The following ATP9B variants were observed in gnomAD, a reference collection of about 807,000 sequenced individuals.
ATP9B encodes probable phospholipid-transporting ATPase IIB.
In ATP9B, 110 loss-of-function variants were observed where a neutral mutation model predicts 146.1. The observed-to-expected ratio is 0.75, with a 90% CI of 0.65 to 0.88. The LOEUF (loss-of-function observed/expected upper bound fraction) is 0.88, where lower values mean the gene tolerates loss of function less well. Ranked by LOEUF, ATP9B falls within the 40% of genes least tolerant of loss-of-function variation. ATP9B has a pLI of 0.00. For missense variants in ATP9B, 1,499 were observed against 1,496.4 expected (o/e 1.00, Z -0.03); for synonymous variants, 604 against 569.7 (o/e 1.06, Z -0.86).
At chr18:79,271,516 G>C (rs2096254576) in intron 12 of ATP9B, among the ~76,000 whole-genome samples, 1 of 151,588 alleles carries the variant, frequency 6.6e-6, no homozygotes, top group African/African-American at 2.4e-5. Flanking sequence ...GTGATAGTTT[G>C]CTGAGAATGA....
At chr18:79,265,868 G>C in intron 12 of ATP9B, among the ~76,000 whole-genome samples, 1 of 152,060 alleles carries the variant, frequency 6.6e-6, no homozygotes, top group East Asian at 1.9e-4. Flanking sequence ...TCTATAGTTT[G>C]AGTTTTTGCA....
At chr18:79,213,302 G>A (rs1457566247) in intron 10 of ATP9B, among the ~76,000 whole-genome samples, 1 of 152,068 alleles carries the variant, frequency 6.6e-6, no homozygotes, top group Admixed American at 6.6e-5. Flanking sequence ...ACATTCTAGA[G>A]ATAAGTGCCC....
intron 9 of ATP9B, among the ~76,000 whole-genome samples, chr18:79,204,237 T>C (rs1287011953): frequency 5.3e-5 from 8 of 152,228 alleles, no homozygotes; most frequent in African/African-American, 1.7e-4. Flanking sequence ...TACTTGAATG[T>C]TCTTCTGTGT....
intron 4 of ATP9B, among the ~76,000 whole-genome samples, chr18:79,123,172 C>T (rs937570118): frequency 1.3e-5 from 2 of 151,724 alleles, no homozygotes; most frequent in South Asian, 4.2e-4. Flanking sequence ...ATAGGAAAAC[C>T]TAGGGAATCT....
intron 14 of ATP9B, among the ~76,000 whole-genome samples, chr18:79,306,254 G>T (rs1458419351): frequency 6.6e-6 from 1 of 152,190 alleles, no homozygotes; most frequent in Non-Finnish European, 1.5e-5. Flanking sequence ...TGTTGGGGTT[G>T]GGGGGAGTGT....
chr18:79,279,677 C>CA (rs1350964864), intron 13 of ATP9B, among the ~76,000 whole-genome samples: 12 of 152,216 alleles, frequency 7.9e-5, no homozygotes, highest in Admixed American at 6.5e-5. Context: ...TAAATGTAAA[C>CA]AAAAATACGT....
At chr18:79,188,879 G>T in intron 8 of ATP9B, among the ~76,000 whole-genome samples, 1 of 129,086 alleles carries the variant, frequency 7.7e-6, no homozygotes, top group African/African-American at 3.2e-5. Flanking sequence ...TTATCTCTTG[G>T]CTTTTTAGCA....
chr18:79,151,222 A>G (rs1211145630), intron 6 of ATP9B, among the ~76,000 whole-genome samples: 1 of 152,230 alleles, frequency 6.6e-6, no homozygotes, highest in Non-Finnish European at 1.5e-5. Flanking sequence ...ATCAGCATTT[A>G]CAGGAACTAG....
At chr18:79,178,478 C>T (rs1251860629) in intron 8 of ATP9B, among the ~76,000 whole-genome samples, 22 of 152,058 alleles carry the variant, frequency 1.4e-4, no homozygotes, top group Admixed American at 1.4e-3. Flanking sequence ...AAAAGCATTC[C>T]GCCTTGATGT....
intron 13 of ATP9B, among the ~76,000 whole-genome samples, chr18:79,277,451 G>A (rs1472315861): frequency 4.6e-5 from 7 of 151,634 alleles, no homozygotes; most frequent in African/African-American, 1.7e-4. Context: ...ATATTTCTGT[G>A]TTTTTAATTT....
intron 12 of ATP9B, among the ~76,000 whole-genome samples, chr18:79,267,842 A>C (rs2096218762): frequency 6.6e-6 from 1 of 152,026 alleles, no homozygotes; most frequent in African/African-American, 2.4e-5. Context: ...TGGTCACAGG[A>C]TCTCATCTGT....
At chr18:79,176,473 T>C (rs1024017729) in intron 7 of ATP9B, among the ~76,000 whole-genome samples, 36 of 152,354 alleles carry the variant, frequency 2.4e-4, no homozygotes, top group South Asian at 4.1e-4. Flanking sequence ...TTTGTTATTT[T>C]GTTATTATCA....
intron 13 of ATP9B, among the ~76,000 whole-genome samples, chr18:79,286,896 T>A (rs1346891994): frequency 6.6e-6 from 1 of 152,236 alleles, no homozygotes; most frequent in Admixed American, 6.5e-5. Flanking sequence ...TTGTCTTTGG[T>A]TCTGTTTATA....
At chr18:79,272,516 C>T (rs914429177) in intron 12 of ATP9B, among the ~76,000 whole-genome samples, 9 of 151,962 alleles carry the variant, frequency 5.9e-5, no homozygotes, top group East Asian at 1.9e-4. Context: ...GAATCCTGCA[C>T]GGATACGCTC....
intron 1 of ATP9B, among the ~76,000 whole-genome samples, chr18:79,092,797 C>CAGTGTCTTCTGCTGG (rs2074453707): frequency 6.6e-6 from 1 of 152,018 alleles, no homozygotes; most frequent in Non-Finnish European, 1.5e-5. Flanking sequence ...CCTGTGTTAA[C>CAGTGTCTTCTGCTGG]AGTGTCTTCT....
At chr18:79,363,436 C>G (rs75959886) in intron 26 of ATP9B, 1 of 10,690 alleles carries the variant, frequency 9.4e-5, no homozygotes, top group African/African-American at 4.7e-4. Context: ...GTTCCTGGAT[C>G]AAGAGGCATA....
chr18:79,094,132 T>C (rs918582314), intron 1 of ATP9B, among the ~76,000 whole-genome samples: 1 of 152,240 alleles, frequency 6.6e-6, no homozygotes, highest in African/African-American at 2.4e-5. Flanking sequence ...GTCAGTTCAG[T>C]TGCAAAGCCT....
chr18:79,119,582 A>G (rs1319832701), intron 4 of ATP9B, among the ~76,000 whole-genome samples: 2 of 152,216 alleles, frequency 1.3e-5, no homozygotes, highest in Non-Finnish European at 2.9e-5. Flanking sequence ...GCGTTTTAAG[A>G]TTTTAGAGAA....
chr18:79,345,534 T>C lies in ATP9B; in HGVS notation c.2579T>C (p.Leu860Pro). 6.2e-7 allele frequency: 1 copy of C among 1,611,684 alleles called. No individual in the cohort carries two copies. Among genetic ancestry groups the C allele is most frequent in the Non-Finnish European group, 8.5e-7 (1 of 1,180,014 alleles). Residue 860 changes from leucine (L) to proline (P), a missense_variant, in exon 22 of 30, where the codon CTG becomes CCG. By Grantham distance (98) the Leu-to-Pro change is moderately conservative. Coordinates refer to ENST00000426216, the MANE Select transcript of ATP9B (RefSeq NM_198531.5). ...SPTQKARIVTLLQQHTGRRTC... is the reference protein window; with the variant it reads ...SPTQKARIVTPLQQHTGRRTC... ...ACCCAGAAGGCCCGCATTGTGACAC[T>C]GCTGCAGCAGCACACAGGGAGACGC...
Sources: allele counts gnomAD v4.1 joint callset (sites outside exome capture counted in the v4.1 genomes callset), GRCh38; gene constraint gnomAD v4.1.1; transcripts MANE v1.5; gene names NCBI Gene and HGNC (gene_info 2026-07-23, HGNC 2026-07-21).